FBXL18: variants seen among roughly 807,000 people sequenced by gnomAD.
The protein encoded by FBXL18 is F-box and leucine rich repeat protein 18, also known as F-box/LRR-repeat protein 18.
A neutral mutation model predicts 46.0 loss-of-function variants in FBXL18; 36 were observed. That is an observed-to-expected ratio of 0.78 (90% CI 0.60 to 1.03). The LOEUF is 1.03. Ranked by LOEUF, FBXL18 falls within the 50% of genes least tolerant of loss-of-function variation. The pLI is 0.00. For missense variants in FBXL18, 977 were observed against 1,004.1 expected (o/e 0.97, Z 0.36); for synonymous variants, 557 against 465.3 (o/e 1.20, Z -2.54).
rs1439946097 is a variant in FBXL18, at chr7:5,463,694, C to CTATATATATATATATATA, written c.2001-15852_2001-15851insTATATATATATATATATA. 8.9e-4 allele frequency among the ~76,000 whole-genome samples: 55 copies of CTATATATATATATATATA among 61,486 alleles called. 2 individuals are homozygous for CTATATATATATATATATA. Among genetic ancestry groups the CTATATATATATATATATA allele is most frequent in the African/African-American group, 2.1e-3 (26 of 12,250 alleles). The allele number at this position is 61,486 out of a possible 152,430, so 40.3% of individuals were successfully genotyped here. On this transcript the variant is annotated intron_variant and NMD_transcript_variant, in intron 4 of 6. Transcript: ENST00000415009. ...CATAAATGTGCTTCATGCCCCTGAACTATATATATATTTATTTATTTATTT... is the reference window on the plus strand; with the variant it reads ...CATAAATGTGCTTCATGCCCCTGAACTATATATATATATATATATATATATATATTTATTTATTTATTT...
At chr7:5,504,595 C>T (rs1320396504) in intron 2 of FBXL18, among the ~76,000 whole-genome samples, 1 of 145,670 alleles carries the variant, frequency 6.9e-6, no homozygotes, top group African/African-American at 2.5e-5. Flanking sequence ...CGTGAACCAC[C>T]GCACCTGGCC....
At chr7:5,492,790 G>C (rs993329002) in intron 3 of FBXL18, among the ~76,000 whole-genome samples, 5 of 152,158 alleles carry the variant, frequency 3.3e-5, no homozygotes, top group Non-Finnish European at 5.9e-5. Flanking sequence ...CAGCCAAGCA[G>C]TGCCAGGCGT....
rs1162160592 is a variant in FBXL18 at position 5,480,230 on chromosome 7, C to A, written c.*1545G>T. 6.9e-6 allele frequency among the ~76,000 whole-genome samples: 1 copy of A among 145,840 alleles called. No individual in the cohort carries two copies. The highest frequency in any genetic ancestry group is 1.9e-4 in the East Asian group (1 of 5,192). On this transcript the variant is annotated 3_prime_UTR_variant, in exon 5 of 5. Transcript: ENST00000382368. Reference sequence around the variant, plus strand: ...GGAAACCCAGGAGGAGGAAGGCGGGCTGGACAAGGGGCCCTTCACCAAGAG... The same window carrying A: ...GGAAACCCAGGAGGAGGAAGGCGGGATGGACAAGGGGCCCTTCACCAAGAG...
At chr7:5,504,179 C>T (rs1009641403) in intron 2 of FBXL18, among the ~76,000 whole-genome samples, 2 of 151,842 alleles carry the variant, frequency 1.3e-5, no homozygotes, top group African/African-American at 4.8e-5. Context: ...CCTGTAATCC[C>T]AGCACTTTGT....
chr7:5,483,994 G>A (rs1000060219), intron 4 of FBXL18, among the ~76,000 whole-genome samples: 2 of 152,116 alleles, frequency 1.3e-5, no homozygotes, highest in African/African-American at 4.8e-5. Flanking sequence ...CAGAGGTTTC[G>A]GCAATAAAGA....
chr7:5,508,687 C>T (rs1411405554), intron 1 of FBXL18, among the ~76,000 whole-genome samples: 2 of 151,908 alleles, frequency 1.3e-5, no homozygotes, highest in Admixed American at 6.6e-5. Context: ...TCCCAAAAGA[C>T]AGACTCCCAA....
At chr7:5,500,094 T>A (rs370128841) in intron 3 of FBXL18, among the ~76,000 whole-genome samples, 3 of 140,420 alleles carry the variant, frequency 2.1e-5, no homozygotes, top group African/African-American at 2.7e-5. Flanking sequence ...AAATTTAAAT[T>A]AAAAAAAAAA....
At chr7:5,505,350 G>A in intron 2 of FBXL18, 62 bp downstream of exon 2, 1 of 1,478,348 alleles carries the variant, frequency 6.8e-7, no homozygotes, top group Non-Finnish European at 9.4e-7. Flanking sequence ...GCAGGGCTGT[G>A]CCCAGTCCTC....
rs911316073 is a variant in FBXL18, at chr7:5,481,433, C to T, written c.*342G>A. 6 of 199,426 alleles carry T rather than the reference C, an allele frequency of 3.0e-5. No individual in the cohort carries two copies. The highest frequency in any genetic ancestry group is 1.6e-4 in the Admixed American group (3 of 18,456). 12.4% of individuals were successfully genotyped at this position (199,426 alleles called of 1,614,324 possible). ...TCCCGGTCGGAAGTGGCAGGGGGTT[C>T]GGGCCCTCCAGGCCCGTGGACAGGG... On this transcript the variant is annotated 3_prime_UTR_variant, in exon 5 of 5. Transcript: ENST00000382368.
intron 4 of FBXL18, among the ~76,000 whole-genome samples, chr7:5,458,311 T>C (rs1388958839): frequency 6.6e-6 from 1 of 152,184 alleles, no homozygotes; most frequent in Non-Finnish European, 1.5e-5. Context: ...ACGCCTGTAA[T>C]CCCAGCATTT....
At chr7:5,467,034 C>T (rs1008493993) in intron 4 of FBXL18, among the ~76,000 whole-genome samples, 7 of 152,182 alleles carry the variant, frequency 4.6e-5, no homozygotes, top group African/African-American at 1.2e-4. Context: ...CTGGCCATCA[C>T]GGCGAAACCC....
At chr7:5,511,814 T>G (rs1324713310) in intron 1 of FBXL18, among the ~76,000 whole-genome samples, 5 of 148,522 alleles carry the variant, frequency 3.4e-5, no homozygotes, top group African/African-American at 5.0e-5. Context: ...CCAAAAAACA[T>G]CTCCTACCTA....
downstream of FBXL18, among the ~76,000 whole-genome samples, chr7:5,474,885 T>A (rs1367803694): frequency 6.7e-6 from 1 of 150,012 alleles, no homozygotes; most frequent in Non-Finnish European, 1.5e-5. Flanking sequence ...TATTTTTGTA[T>A]TTTCAGTAGA....
In FBXL18 at chr7:5,496,714, T is replaced by G. The variant is rs1784090006; in HGVS notation, c.1781+3774A>C. On this transcript the variant is annotated intron_variant, in intron 3 of 4. Transcript: ENST00000382368. This position sits in a 1 kb window ranked among gnomAD's most constrained non-coding sequence, Gnocchi z 4.8. ...CCGGGCAACACAGCAAGACCCCGTC[T>G]CTACAAAAAATACAAAAAACTAGCC... 6.6e-6 allele frequency among the ~76,000 whole-genome samples: 1 copy of G among 151,920 alleles called. No homozygotes were observed. The highest frequency in any genetic ancestry group is 2.4e-5 in the African/African-American group (1 of 41,336).
intron 1 of FBXL18, among the ~76,000 whole-genome samples, chr7:5,508,721 C>A (rs1454276440): frequency 6.6e-6 from 1 of 152,104 alleles, no homozygotes; most frequent in Non-Finnish European, 1.5e-5. Flanking sequence ...TTTATCAGAA[C>A]CAGAGACAAA....
rs2128236503 is a variant in FBXL18 at position 5,496,013 on chromosome 7, C to T, written c.1781+4475G>A. 2.4e-6 allele frequency: 1 copy of T among 410,026 alleles called. No homozygotes were observed. The highest frequency in any genetic ancestry group is 1.8e-5 in the South Asian group (1 of 55,784). The allele number at this position is 410,026 out of a possible 1,614,324, so 25.4% of individuals were successfully genotyped here. Reference sequence around the variant, plus strand: ...ACAGAACCCGCAGGCCTCTCCGCGCCTTCTCCATGGCCCTGCTCCTGAGGA... The same window carrying T: ...ACAGAACCCGCAGGCCTCTCCGCGCTTTCTCCATGGCCCTGCTCCTGAGGA... On this transcript the variant is annotated intron_variant, in intron 3 of 4. Transcript: ENST00000382368. The surrounding 1 kb of genome is among the most constrained non-coding windows in gnomAD (Gnocchi z 4.8).
At chr7:5,504,697 C>G (rs537539316) in intron 2 of FBXL18, among the ~76,000 whole-genome samples, 1 of 148,774 alleles carries the variant, frequency 6.7e-6, no homozygotes, top group Non-Finnish European at 1.5e-5. Flanking sequence ...GGGCAGATCA[C>G]GAGGTCAGGA....
Position 5,501,989 on chromosome 7 carries a change from G to A in FBXL18, c.280C>T (p.Arg94Trp), listed in dbSNP as rs753062336. ...KVRQLVKEIG[R>W]EIQQLSMAGC... The stretch of plus-strand genomic sequence containing the variant: ...GCCATGCTCAGCTGCTGGATCTCCC[G>A]GCCGATCTCCTTCACCAGCTGCCTC... Residue 94 changes from arginine to tryptophan, a missense_variant, in exon 3 of 5, where the codon CGG becomes TGG. Physicochemically the swap from Arg to Trp is moderately radical, Grantham distance 101. Coordinates refer to ENST00000382368, the MANE Select transcript of FBXL18 (RefSeq NM_024963.6). The A allele has an allele frequency of 2.4e-5, 39 of 1,607,008 alleles. 1 individual carries two copies. Among genetic ancestry groups the A allele is most frequent in the Middle Eastern group, 3.3e-4 (2 of 6,032 alleles).
Position 5,496,269 on chromosome 7 carries a change from C to A in FBXL18, c.1781+4219G>T, listed in dbSNP as rs1336884800. ...CTGTACACCCATGAAAAGCACCTGG[C>A]AGAGGTCACATGAGCCCAAAGGTCC... On this transcript the variant is annotated intron_variant, in intron 3 of 4. Transcript: ENST00000382368. This position sits in a 1 kb window ranked among gnomAD's most constrained non-coding sequence, Gnocchi z 4.8. Among the ~76,000 whole-genome samples the A allele has an allele frequency of 6.6e-6, 1 of 152,192 alleles. No individual in the cohort carries two copies. The highest frequency in any genetic ancestry group is 2.1e-4 in the South Asian group (1 of 4,834).
Sources: gnomAD v4.1 joint callset for allele counts (sites outside exome capture counted in the v4.1 genomes callset) on GRCh38, gnomAD v4.1.1 for gene constraint, Gnocchi (gnomAD v3.1) non-coding constraint, MANE v1.5 for transcripts, NCBI Gene and HGNC (gene_info 2026-07-23, HGNC 2026-07-21) for gene names.